The following RBFOX3 variants were observed in gnomAD, a reference collection of about 807,000 sequenced individuals.
The protein encoded by RBFOX3 is RNA binding protein fox-1 homolog 3.
A neutral mutation model predicts 48.7 loss-of-function variants in RBFOX3; 17 were observed. The observed-to-expected ratio is 0.35, with a 90% CI of 0.24 to 0.52. The LOEUF (loss-of-function observed/expected upper bound fraction) is 0.52. RBFOX3 is among the 20% of genes least tolerant of loss of function. The probability of loss-of-function intolerance (pLI) is 0.94; values close to 1 mark genes in which losing one functional copy is unlikely to be tolerated. For missense variants in RBFOX3, 382 were observed against 497.5 expected (o/e 0.77, Z 2.21); for synonymous variants, 212 against 209.5 (o/e 1.01, Z -0.10).
chr17:79,158,911 AG>A (rs1280052218), intron 4 of RBFOX3, among the ~76,000 whole-genome samples: 2 of 152,174 alleles, frequency 1.3e-5, no homozygotes, highest in African/African-American at 4.8e-5. Flanking sequence ...CACGGCTTCC[AG>A]GGGTGCAAAG....
chr17:79,126,580 C>T (rs1599556884), intron 4 of RBFOX3, among the ~76,000 whole-genome samples: 1 of 152,162 alleles, frequency 6.6e-6, no homozygotes, highest in African/African-American at 2.4e-5. Context: ...TCCTGCCCTC[C>T]TCCCTGTCTA....
chr17:79,090,733 G>A lies in RBFOX3; in HGVS notation c.*150C>T, dbSNP rs1269318446. 4.8e-5 allele frequency: 47 copies of A among 986,538 alleles called. 1 individual carries two copies. The highest frequency in any genetic ancestry group is 6.9e-5 in the Non-Finnish European group (47 of 678,592). 61.1% of individuals were successfully genotyped at this position (986,538 alleles called of 1,614,324 possible). On this transcript the variant is annotated 3_prime_UTR_variant, in exon 15 of 15. Coordinates refer to ENST00000693108, the MANE Select transcript of RBFOX3 (RefSeq NM_001350451.2). ...GTGCGGGCGTGTGGCCAGGACGCGGGACTTGGACTTGGTTGGATGCCTCTT... is the reference window on the plus strand; with the variant it reads ...GTGCGGGCGTGTGGCCAGGACGCGGAACTTGGACTTGGTTGGATGCCTCTT...
rs1442997250 is a variant in RBFOX3 at position 79,481,220 on chromosome 17, G to A, written c.-175+1234C>T. 2.6e-5 allele frequency among the ~76,000 whole-genome samples: 4 copies of A among 152,122 alleles called. No homozygotes were observed. The highest frequency in any genetic ancestry group is 4.4e-5 in the Non-Finnish European group (3 of 68,018). ...GGTCTCTTTGTCCAGGGTTCTCGTC[G>A]GCATCATCTGCTCAGCCTACAGTGG... On this transcript the variant is annotated intron_variant, in intron 2 of 14. Coordinates refer to ENST00000693108, the MANE Select transcript of RBFOX3 (RefSeq NM_001350451.2). This position sits in a 1 kb window ranked among gnomAD's most constrained non-coding sequence, Gnocchi z 5.4.
At chr17:79,319,743 T>TTGTCTGGGCTGCTGGTCC (rs1247197203) in intron 2 of RBFOX3, among the ~76,000 whole-genome samples, 1 of 150,882 alleles carries the variant, frequency 6.6e-6, no homozygotes, top group South Asian at 2.1e-4. Context: ...GCTGCTGGTC[T>TTGTCTGGGCTGCTGGTCC]TGTCTGGGCT....
intron 4 of RBFOX3, among the ~76,000 whole-genome samples, chr17:79,141,564 G>C (rs929116958): frequency 1.6e-4 from 24 of 152,308 alleles, no homozygotes; most frequent in African/African-American, 5.8e-4. Context: ...TCAGGTGGTT[G>C]GGGTGGGGCT....
chr17:79,365,534 C>G (rs1011144879), intron 2 of RBFOX3, among the ~76,000 whole-genome samples: 1 of 152,256 alleles, frequency 6.6e-6, no homozygotes, highest in Non-Finnish European at 1.5e-5. Flanking sequence ...CACGCGAACA[C>G]CAGATAAATG....
chr17:79,174,466 C>T (rs1230633911), intron 4 of RBFOX3, among the ~76,000 whole-genome samples: 1 of 151,984 alleles, frequency 6.6e-6, no homozygotes, highest in Non-Finnish European at 1.5e-5. Flanking sequence ...GCCACATGCA[C>T]ACAATGCAGT....
At chr17:79,604,059 C>G (rs898570983) in intron 1 of RBFOX3, 1 of 152,268 alleles carries the variant, frequency 6.6e-6, no homozygotes, top group Non-Finnish European at 1.5e-5. Flanking sequence ...ACTGACATAC[C>G]GCCTTGCTCA....
chr17:79,603,135 C>T (rs915813539), intron 1 of RBFOX3, among the ~76,000 whole-genome samples: 2 of 152,090 alleles, frequency 1.3e-5, no homozygotes, highest in South Asian at 2.1e-4. Context: ...GGATTATAGG[C>T]GTGCACCATC....
intron 2 of RBFOX3, among the ~76,000 whole-genome samples, chr17:79,369,279 C>T (rs1458052065): frequency 2.6e-5 from 4 of 152,150 alleles, no homozygotes; most frequent in Non-Finnish European, 5.9e-5. Context: ...GCCACCTCCA[C>T]ATCTGTACCC....
intron 4 of RBFOX3, chr17:79,208,635 C>A: frequency 8.5e-6 from 1 of 118,070 alleles, no homozygotes. Flanking sequence ...GGTGGAGGCC[C>A]TTCCCGGGCA....
the RBFOX3 span, among the ~76,000 whole-genome samples, chr17:79,622,345 C>T: frequency 2.0e-5 from 3 of 152,250 alleles, no homozygotes; most frequent in East Asian, 3.9e-4. Flanking sequence ...GTGGCAGCCC[C>T]GTACCCTGCA....
chr17:79,446,608 T>C (rs1453122784), intron 2 of RBFOX3, among the ~76,000 whole-genome samples: 1 of 152,200 alleles, frequency 6.6e-6, no homozygotes, highest in East Asian at 1.9e-4. Context: ...TGACTGCCCA[T>C]TTCCACGGCA....
chr17:79,105,934 G>C (rs1432050067), intron 6 of RBFOX3, among the ~76,000 whole-genome samples: 1 of 152,202 alleles, frequency 6.6e-6, no homozygotes, highest in South Asian at 2.1e-4. Flanking sequence ...CCCCCTGCAG[G>C]CATCAACACC....
rs1183391256 is a variant in RBFOX3, at chr17:79,182,550, G to A, written c.-34+53216C>T. Among the ~76,000 whole-genome samples, 9 of 151,088 alleles carry A rather than the reference G, an allele frequency of 6.0e-5. No homozygotes were observed. In the South Asian group the frequency reaches 1.0e-3, roughly 18 times the overall value. ...CGTCCCCTCCCCCAACGCCCCGGCCGGCCGGCGGGCAGGCGGCTGCTGATG... is the reference window on the plus strand; with the variant it reads ...CGTCCCCTCCCCCAACGCCCCGGCCAGCCGGCGGGCAGGCGGCTGCTGATG... On this transcript the variant is annotated intron_variant, in intron 4 of 14. Coordinates refer to ENST00000693108, the MANE Select transcript of RBFOX3 (RefSeq NM_001350451.2).
At chr17:79,530,338 C>T (rs1319548713) in intron 1 of RBFOX3, among the ~76,000 whole-genome samples, 3 of 152,172 alleles carry the variant, frequency 2.0e-5, no homozygotes, top group Non-Finnish European at 4.4e-5. Context: ...TGGCCCTCGT[C>T]CCTCTGCGAA....
chr17:79,474,417 C>G (rs922892961), intron 2 of RBFOX3, among the ~76,000 whole-genome samples: 1 of 152,188 alleles, frequency 6.6e-6, no homozygotes, highest in Non-Finnish European at 1.5e-5. Context: ...ATATACCATC[C>G]TGGAACACGA....
intron 3 of RBFOX3, among the ~76,000 whole-genome samples, chr17:79,237,378 C>T (rs2061754194): frequency 6.6e-6 from 1 of 152,216 alleles, no homozygotes; most frequent in Non-Finnish European, 1.5e-5. Context: ...ACAGCTCTAG[C>T]AGGCAGGTAC....
intron 2 of RBFOX3, among the ~76,000 whole-genome samples, chr17:79,354,260 T>G (rs8075992): frequency 6.6e-6 from 1 of 152,126 alleles, no homozygotes; most frequent in Non-Finnish European, 1.5e-5. Flanking sequence ...GGCCCACCAT[T>G]CTAGTGTCAT....
Sources: allele counts gnomAD v4.1 joint callset (sites outside exome capture counted in the v4.1 genomes callset), GRCh38; gene constraint gnomAD v4.1.1; non-coding constraint Gnocchi (gnomAD v3.1); transcripts MANE v1.5; gene names NCBI Gene and HGNC (gene_info 2026-07-23, HGNC 2026-07-21).